The following MAGI1 variants were observed in gnomAD, a reference collection of about 807,000 sequenced individuals.
MAGI1 encodes the protein membrane associated guanylate kinase, WW and PDZ domain containing 1.
MAGI1 carries 58 observed loss-of-function variants against 139.9 expected under a neutral mutation model. The observed-to-expected ratio is 0.41, with a 90% CI of 0.34 to 0.52. The LOEUF is 0.52. Ranked by LOEUF, MAGI1 falls within the 20% of genes least tolerant of loss-of-function variation. The pLI is 0.12. For missense variants in MAGI1, 1,874 were observed against 1,901.6 expected, an observed-to-expected ratio of 0.99 and a Z score of 0.27; for synonymous variants, 812 against 737.9, an observed-to-expected ratio of 1.10 and a Z score of -1.63.
chr3:65,853,531 G>A (rs2059277303), intron 1 of MAGI1, among the ~76,000 whole-genome samples: 1 of 152,064 alleles, frequency 6.6e-6, no homozygotes, highest in East Asian at 1.9e-4. Context: ...CTGGGAAGTT[G>A]GAATGTATCA....
intron 12 of MAGI1, among the ~76,000 whole-genome samples, chr3:65,418,635 T>C (rs907614317): frequency 6.6e-6 from 1 of 152,152 alleles, no homozygotes; most frequent in Non-Finnish European, 1.5e-5. Context: ...ATTACTTTCT[T>C]CCTGTCTTTT....
In MAGI1 at chr3:65,356,557, C is replaced by A; in HGVS notation, c.4210G>T (p.Ala1404Ser). ...RRAKSTDRRR[A>S]RSPERRRERS... ...TCTCTCCTGCGCTCGGGGGAGCGTG[C>A]GCGCCTCCGGTCGGTGGACTTGGCC... Residue 1404 changes from alanine to serine, a missense_variant, in exon 23 of 23, where the codon GCA (alanine) becomes TCA (serine). Ala to Ser is a moderately conservative substitution (Grantham distance 99). Around this residue, in one of 5 missense-constraint regions of MAGI1, gnomAD observed 653 missense variants for 644.5 expected, o/e 1.01. Transcript: ENST00000402939. 3 of 1,606,938 alleles carry A rather than the reference C, an allele frequency of 1.9e-6. No individual in the cohort carries two copies. The highest frequency in any genetic ancestry group is 2.5e-6 in the Non-Finnish European group (3 of 1,178,936).
intron 1 of MAGI1, among the ~76,000 whole-genome samples, chr3:65,824,083 G>A (rs2042092550): frequency 1.3e-5 from 2 of 152,138 alleles, no homozygotes; most frequent in Non-Finnish European, 1.5e-5. Flanking sequence ...TCAGGTTACT[G>A]ATTATTTTTA....
chr3:65,567,319 C>A (rs1195882382), intron 2 of MAGI1, among the ~76,000 whole-genome samples: 1 of 152,080 alleles, frequency 6.6e-6, no homozygotes, highest in Non-Finnish European at 1.5e-5. Flanking sequence ...GCTCCCTCCA[C>A]ACTCACGCTG....
chr3:65,788,673 T>G (rs79748430), intron 1 of MAGI1, among the ~76,000 whole-genome samples: 3,201 of 152,300 alleles, frequency 0.021, 105 homozygotes, highest in African/African-American at 0.07. Context: ...CTGTTTATTG[T>G]GACCCACACC....
At chr3:65,928,559 T>C (rs1023735504) in intron 1 of MAGI1, among the ~76,000 whole-genome samples, 1 of 152,174 alleles carries the variant, frequency 6.6e-6, no homozygotes, top group Admixed American at 6.5e-5. Flanking sequence ...TCTCTCAACA[T>C]TGTCACGGTG....
chr3:65,697,671 A>G (rs2089316587), intron 1 of MAGI1, among the ~76,000 whole-genome samples: 1 of 108,634 alleles, frequency 9.2e-6, no homozygotes, highest in Admixed American at 8.4e-5. Context: ...ACAAAATTCA[A>G]TAACCCTTCA....
intron 2 of MAGI1, among the ~76,000 whole-genome samples, chr3:65,539,928 A>G (rs9880371): frequency 0.26 from 39,080 of 152,018 alleles, 5,393 homozygotes; most frequent in African/African-American, 0.32. Context: ...GGGGCTTTAA[A>G]CAAAGTTTGG....
chr3:65,387,142 C>T (rs1943514754), intron 14 of MAGI1: 1 of 1,613,190 alleles, frequency 6.2e-7, no homozygotes, highest in Non-Finnish European at 8.5e-7. Context: ...CGGATCCTTA[C>T]TCGGACATTC....
intron 1 of MAGI1, among the ~76,000 whole-genome samples, chr3:65,708,734 GA>G (rs2030836537): frequency 6.6e-6 from 1 of 152,136 alleles, no homozygotes; most frequent in Non-Finnish European, 1.5e-5. Flanking sequence ...GACAGAGAAA[GA>G]ACAGACAAGA....
chr3:65,610,925 G>C (rs1163343170), intron 2 of MAGI1, among the ~76,000 whole-genome samples: 3 of 136,766 alleles, frequency 2.2e-5, no homozygotes, highest in Non-Finnish European at 3.1e-5. Context: ...ACACTATATA[G>C]TAGATAGTAT....
chr3:65,893,472 A>C (rs2060848359), intron 1 of MAGI1, among the ~76,000 whole-genome samples: 1 of 152,210 alleles, frequency 6.6e-6, no homozygotes, highest in Admixed American at 6.5e-5. Context: ...TCAAAAATCC[A>C]ACAATATAGT....
intron 1 of MAGI1, among the ~76,000 whole-genome samples, chr3:65,802,129 C>T (rs2040552609): frequency 6.6e-6 from 1 of 152,092 alleles, no homozygotes; most frequent in Non-Finnish European, 1.5e-5. Flanking sequence ...GTCCCTGGTG[C>T]CAAAAAGGTT....
At chr3:65,952,674 C>T (rs2063923048) in intron 1 of MAGI1, among the ~76,000 whole-genome samples, 1 of 152,088 alleles carries the variant, frequency 6.6e-6, no homozygotes, top group African/African-American at 2.4e-5. Flanking sequence ...ATTAGCCAAG[C>T]GTGGTGGCGG....
intron 1 of MAGI1, among the ~76,000 whole-genome samples, chr3:65,836,711 C>T (rs904455895): frequency 3.9e-5 from 6 of 152,016 alleles, no homozygotes; most frequent in South Asian, 2.1e-4. Flanking sequence ...CCCAGCTACT[C>T]GGGTGGCTGA....
intron 1 of MAGI1, among the ~76,000 whole-genome samples, chr3:65,825,943 G>A (rs1448065353): frequency 1.3e-5 from 2 of 152,074 alleles, no homozygotes; most frequent in Non-Finnish European, 2.9e-5. Flanking sequence ...AGCCAAGATC[G>A]TGCCACGCAC....
chr3:65,930,896 C>T (rs1485044600), intron 1 of MAGI1, among the ~76,000 whole-genome samples: 1 of 152,186 alleles, frequency 6.6e-6, no homozygotes, highest in Non-Finnish European at 1.5e-5. Flanking sequence ...CTGGGAATTG[C>T]CCGCCCCTTT....
At chr3:65,383,771 C>A in intron 14 of MAGI1, 148 bp from the exon 15 acceptor site, 1 of 669,150 alleles carries the variant, frequency 1.5e-6, no homozygotes. Context: ...ATACTCTGAA[C>A]AGGTGAAATA....
chr3:65,720,352 T>C (rs1292088659), intron 1 of MAGI1, among the ~76,000 whole-genome samples: 1 of 152,178 alleles, frequency 6.6e-6, no homozygotes, highest in East Asian at 1.9e-4. Context: ...GGTTACCCAG[T>C]GTATGCCCCA....
Sources: allele counts gnomAD v4.1 joint callset (sites outside exome capture counted in the v4.1 genomes callset), GRCh38; gene constraint gnomAD v4.1.1; regional missense constraint gnomAD v4.1.1; transcripts MANE v1.5; gene names NCBI Gene and HGNC (gene_info 2026-07-23, HGNC 2026-07-21).